The following MARVELD2 variants were observed in gnomAD, a reference collection of about 807,000 sequenced individuals.
The protein encoded by MARVELD2 is MARVEL domain-containing protein 2.
In MARVELD2, 49 loss-of-function variants were observed where a neutral mutation model predicts 57.6. That is an observed-to-expected ratio of 0.85 (90% confidence interval 0.68 to 1.08). The LOEUF (loss-of-function observed/expected upper bound fraction) is 1.08, where lower values mean the gene tolerates loss of function less well. Among genes scored for constraint, MARVELD2 ranks in the 50% least tolerant of loss-of-function variants. MARVELD2 has a pLI of 0.00. For synonymous variants in MARVELD2, 238 were observed against 258.8 expected, an observed-to-expected ratio of 0.92 and a Z score of 0.77; for missense variants, 606 against 701.1, an observed-to-expected ratio of 0.86 and a Z score of 1.53.
At chr5:69,441,496 C>G in intron 6 of MARVELD2, 36 bp from the exon 7 acceptor site, 1 of 1,602,034 alleles carries the variant, frequency 6.2e-7, no homozygotes, top group Non-Finnish European at 8.5e-7. Context: ...ACTGAGGAAG[C>G]CAGGAGCCAA....
At chr5:69,428,737 A>T (rs1361984800) in intron 3 of MARVELD2, among the ~76,000 whole-genome samples, 1 of 152,208 alleles carries the variant, frequency 6.6e-6, no homozygotes, top group Non-Finnish European at 1.5e-5. Flanking sequence ...TCTGAGATTG[A>T]TGCTGGGACT....
At chr5:69,429,701 A>AG (rs1326163878) in intron 3 of MARVELD2, among the ~76,000 whole-genome samples, 1 of 152,130 alleles carries the variant, frequency 6.6e-6, no homozygotes, top group African/African-American at 2.4e-5. Flanking sequence ...GAACCAGGTC[A>AG]GGCACCGTGG....
rs1767014258 is a variant in MARVELD2, at chr5:69,433,016, G to A, written c.1426G>A (p.Val476Ile). The A allele has an allele frequency of 6.2e-7, 1 of 1,614,220 alleles. No individual in the cohort carries two copies. Among genetic ancestry groups the A allele is most frequent in the Non-Finnish European group, 8.5e-7 (1 of 1,180,040 alleles). The change falls in exon 5 of 7, where the codon GTT becomes ATT. Residue 476 changes from valine (V) to isoleucine (I), a missense_variant. Coordinates refer to ENST00000325631, the MANE Select transcript of MARVELD2 (RefSeq NM_001038603.3). Reference sequence around the variant, plus strand: ...AGAGTACAAAGAGCTGTCTGCAGAAGTTCAGGCTGTCCTGAGGAAGTTTGA... The same window carrying A: ...AGAGTACAAAGAGCTGTCTGCAGAAATTCAGGCTGTCCTGAGGAAGTTTGA... ...FSEYKELSAE[V>I]QAVLRKFDEL...
chr5:69,420,192 T>C lies in MARVELD2; in HGVS notation c.807T>C (p.Ile269=). The C allele has an allele frequency of 1.2e-6, 2 of 1,614,216 alleles. No individual in the cohort carries two copies. Among genetic ancestry groups the C allele is most frequent in the Non-Finnish European group, 1.7e-6 (2 of 1,180,024 alleles). The change falls in exon 2 of 7, where the codon ATT becomes ATC. Residue 269 remains isoleucine (I), a synonymous_variant. Coordinates refer to ENST00000325631, the MANE Select transcript of MARVELD2 (RefSeq NM_001038603.3). ...VAGLAWITTI[I]ILVLGMSMYY... ...GATTAGCTTGGATCACCACCATTAT[T>C]ATTCTGGTTCTTGGCATGTCCATGT...
At position 69,432,859 on chromosome 5, in the gene MARVELD2, T is replaced by A. The variant is rs1463792004; in HGVS notation, c.1332-63T>A. On this transcript the variant is annotated intron_variant, in intron 4 of 6. Transcript: ENST00000325631. ...ATGATCAGTAAGGAATAAGATAAGC[T>A]GATTTCCCATTCAGCTTCTTTTAGT... 2.5e-6 allele frequency: 4 copies of A among 1,598,886 alleles called. No individual in the cohort carries two copies. The African/African-American group carries it at 4.0e-5, about 16-fold the overall frequency.
At chr5:69,427,815 T>G (rs1365108653) in intron 3 of MARVELD2, among the ~76,000 whole-genome samples, 5 of 152,192 alleles carry the variant, frequency 3.3e-5, no homozygotes, top group African/African-American at 1.2e-4. Context: ...TGGTTTTAGA[T>G]TTCTTCCCAA....
At chr5:69,416,855 T>G (rs1296627234) in intron 1 of MARVELD2, among the ~76,000 whole-genome samples, 1 of 152,180 alleles carries the variant, frequency 6.6e-6, no homozygotes, top group Non-Finnish European at 1.5e-5. Flanking sequence ...CCTTCTGGAG[T>G]GTACTCTCAA....
In MARVELD2 at chr5:69,420,480, A is replaced by G. The variant is rs727503159; in HGVS notation, c.1095A>G (p.Leu365=). 11 of 1,613,376 alleles carry G rather than the reference A, an allele frequency of 6.8e-6. No individual in the cohort carries two copies. Among genetic ancestry groups the G allele is most frequent in the Non-Finnish European group, 9.3e-6 (11 of 1,180,040 alleles). Residue 365 remains leucine, a synonymous_variant, in exon 2 of 7, where the codon TTA becomes TTG. Coordinates refer to ENST00000325631, the MANE Select transcript of MARVELD2 (RefSeq NM_001038603.3). ...YLISALVCLK[L]WRHEAARRHR... ...TTAGTGCTTTGGTTTGCCTAAAGTT[A>G]TGGAGGCATGAGGCAGCTCGGAGAC...
intron 6 of MARVELD2, among the ~76,000 whole-genome samples, chr5:69,440,904 G>A (rs933219157): frequency 1.3e-5 from 2 of 152,138 alleles, no homozygotes; most frequent in African/African-American, 4.8e-5. Context: ...GCAACATGGC[G>A]AAACCTTGTC....
At chr5:69,421,794 CTT>C (rs1409875482) in intron 2 of MARVELD2, among the ~76,000 whole-genome samples, 20 of 132,830 alleles carry the variant, frequency 1.5e-4, no homozygotes, top group Admixed American at 4.6e-4. Flanking sequence ...TCTTTTCTTT[CTT>C]TTTTTTTTTT....
At position 69,428,354 on chromosome 5, in the gene MARVELD2, T is replaced by A. The variant is rs1205995420; in HGVS notation, c.1182+3718T>A. 6.6e-5 allele frequency among the ~76,000 whole-genome samples: 7 copies of A among 105,970 alleles called. 2 individuals carry two copies. The highest frequency in any genetic ancestry group is 1.2e-4 in the Non-Finnish European group (6 of 50,078). The allele number at this position is 105,970 out of a possible 152,430, so 69.5% of individuals were successfully genotyped here. ...CCATCTCTACTAAAAATACAAAAAATTAGCCGGGTGTGGTGGCGCAAGCCT... is the reference window on the plus strand; with the variant it reads ...CCATCTCTACTAAAAATACAAAAAAATAGCCGGGTGTGGTGGCGCAAGCCT... On this transcript the variant is annotated intron_variant, in intron 3 of 6. Coordinates refer to ENST00000325631, the MANE Select transcript of MARVELD2 (RefSeq NM_001038603.3).
At chr5:69,417,994 G>C (rs1430196871) in intron 1 of MARVELD2, among the ~76,000 whole-genome samples, 1 of 151,832 alleles carries the variant, frequency 6.6e-6, no homozygotes, top group Non-Finnish European at 1.5e-5. Context: ...TGTAGTCCCA[G>C]CTACTCAGGA....
chr5:69,419,318 C>A, intron 1 of MARVELD2, 53 bp from the exon 2 acceptor site: 3 of 1,562,768 alleles, frequency 1.9e-6, no homozygotes, highest in Non-Finnish European at 2.6e-6. Flanking sequence ...AAATCAGCAT[C>A]ATTGAGAGGA....
At chr5:69,424,991 C>T (rs940942312) in intron 3 of MARVELD2, among the ~76,000 whole-genome samples, 1 of 151,080 alleles carries the variant, frequency 6.6e-6, no homozygotes, top group Non-Finnish European at 1.5e-5. Context: ...CGTCACTGCA[C>T]TCCAGCCTGG....
At chr5:69,426,050 T>C (rs573360485) in intron 3 of MARVELD2, among the ~76,000 whole-genome samples, 1 of 151,356 alleles carries the variant, frequency 6.6e-6, no homozygotes, top group South Asian at 2.1e-4. Flanking sequence ...CCAATAATAC[T>C]TTTTTTTAAA....
chr5:69,440,417 T>G, intron 5 of MARVELD2, 33 bp from the exon 6 acceptor site: 1 of 1,095,672 alleles, frequency 9.1e-7, no homozygotes, highest in Non-Finnish European at 1.4e-6. Flanking sequence ...AATGCAAATG[T>G]TTTAACTTAA....
At position 69,440,379 on chromosome 5, in the gene MARVELD2, C is replaced by T. The variant is rs1283462800; in HGVS notation, c.1504-71C>T. 7.9e-6 allele frequency: 6 copies of T among 759,782 alleles called. No individual in the cohort carries two copies. The East Asian group carries it at 1.3e-4, about 16-fold the overall frequency. 47.1% of individuals were successfully genotyped at this position (759,782 alleles called of 1,614,324 possible). ...AAAAATTATTTTTTGTTCTAATTCT[C>T]AGTGTGCTTTGAGATATGATTTGAG... is the stretch of plus-strand genomic sequence containing the variant. On this transcript the variant is annotated intron_variant, in intron 5 of 6. Coordinates refer to ENST00000325631, the MANE Select transcript of MARVELD2 (RefSeq NM_001038603.3).
chr5:69,419,896 ACAT>A lies in MARVELD2; in HGVS notation c.512_514del (p.Thr171_Tyr172delinsAsn). The A allele has an allele frequency of 6.2e-7, 1 of 1,614,150 alleles. No individual in the cohort carries two copies. The highest frequency in any genetic ancestry group is 1.3e-5 in the African/African-American group (1 of 75,042). The stretch of plus-strand genomic sequence containing the variant: ...AGACCGACACACACAAACAGTTCGA[ACAT>A]ACAGTGAGAAGGTGGAGGAGTATAA... On this transcript the variant is annotated inframe_deletion, in exon 2 of 7. Coordinates refer to ENST00000325631, the MANE Select transcript of MARVELD2 (RefSeq NM_001038603.3).
chr5:69,433,241 C>CA (rs1767025213), intron 5 of MARVELD2, 148 bp downstream of exon 5: 1 of 773,446 alleles, frequency 1.3e-6, no homozygotes. Context: ...TGGCTTGCTG[C>CA]AACCTCCACC....
Sources: allele counts gnomAD v4.1 joint callset (sites outside exome capture counted in the v4.1 genomes callset), GRCh38; gene constraint gnomAD v4.1.1; transcripts MANE v1.5; gene names NCBI Gene and HGNC (gene_info 2026-07-23, HGNC 2026-07-21).